CACNA1C: variants seen among roughly 807,000 people sequenced by gnomAD.
CACNA1C encodes calcium voltage-gated channel subunit alpha1 C, also known as voltage-dependent L-type calcium channel subunit alpha-1C.
CACNA1C carries 30 observed loss-of-function variants against 229.0 expected under a neutral mutation model. The ratio of observed to expected loss-of-function variants is 0.13; its 90% CI spans 0.10 to 0.18. The LOEUF (loss-of-function observed/expected upper bound fraction) is 0.18. Among genes scored for constraint, CACNA1C ranks in the 10% least tolerant of loss-of-function variants. CACNA1C has a pLI of 1.00. For synonymous variants in CACNA1C, 1,114 were observed against 1,132.5 expected (o/e 0.98, Z 0.33); for missense variants, 1,658 against 2,845.0 (o/e 0.58, Z 9.49).
rs141304309 is a variant in CACNA1C, at chr12:2,543,239, G to A, written c.1391-6704G>A. 1.2e-4 allele frequency among the ~76,000 whole-genome samples: 18 copies of A among 152,326 alleles called. No homozygotes were observed. The East Asian group carries it at 3.3e-3, about 28-fold the overall frequency. The stretch of plus-strand genomic sequence containing the variant: ...AGATCCATTCAATAAAGCATATTGT[G>A]CCTTATAAAGGATGTGCTATTATGA... On this transcript the variant is annotated intron_variant, in intron 9 of 46. Transcript: ENST00000399655.
chr12:2,002,043 C>G (rs1194542585), intron 1 of CACNA1C, among the ~76,000 whole-genome samples: 1 of 152,200 alleles, frequency 6.6e-6, no homozygotes, highest in Non-Finnish European at 1.5e-5. Context: ...GGGAGTAGGT[C>G]TAACTCTAAA....
At chr12:2,349,420 A>T (rs564184300) in intron 3 of CACNA1C, among the ~76,000 whole-genome samples, 1 of 152,096 alleles carries the variant, frequency 6.6e-6, no homozygotes, top group African/African-American at 2.4e-5. Flanking sequence ...CGTTTTTTTT[A>T]AAGTTAAGAA....
At chr12:2,028,827 C>T (rs1387988918) in intron 1 of CACNA1C, among the ~76,000 whole-genome samples, 1 of 152,202 alleles carries the variant, frequency 6.6e-6, no homozygotes, top group African/African-American at 2.4e-5. Flanking sequence ...AGTGCATATA[C>T]AAATACTGAG....
chr12:2,496,217 C>A (rs1170047589), intron 7 of CACNA1C, among the ~76,000 whole-genome samples: 3 of 152,160 alleles, frequency 2.0e-5, no homozygotes, highest in Non-Finnish European at 4.4e-5. Context: ...GGAAATCTAA[C>A]CTGTTGAACC....
intron 3 of CACNA1C, among the ~76,000 whole-genome samples, chr12:2,210,504 C>G (rs531518348): frequency 1.3e-5 from 2 of 152,154 alleles, no homozygotes; most frequent in Non-Finnish European, 2.9e-5. Flanking sequence ...GTTGGTACCT[C>G]CAACCTGAAG....
At chr12:2,332,323 A>C (rs191304125) in intron 3 of CACNA1C, among the ~76,000 whole-genome samples, 16 of 152,286 alleles carry the variant, frequency 1.1e-4, no homozygotes, top group African/African-American at 3.8e-4. Context: ...TGTTCTTGCA[A>C]CTTTTCTCTA....
intron 3 of CACNA1C, among the ~76,000 whole-genome samples, chr12:2,371,334 G>A (rs929184504): frequency 3.9e-5 from 6 of 152,206 alleles, no homozygotes; most frequent in Admixed American, 1.3e-4. Flanking sequence ...AGACCCAGCC[G>A]TAGGATTTCT....
intron 3 of CACNA1C, among the ~76,000 whole-genome samples, chr12:2,270,206 C>T (rs1014772811): frequency 1.3e-5 from 2 of 152,174 alleles, no homozygotes; most frequent in Admixed American, 6.5e-5. Flanking sequence ...CCTGAGAAGG[C>T]GAGCTTCGAA....
chr12:2,597,129 A>G lies in CACNA1C; in HGVS notation c.2794-101A>G. The stretch of plus-strand genomic sequence containing the variant: ...TTAAGTGCCAGGCATCTCATTTTGA[A>G]GTGTGGCCCCTTTTCTGGTGAACAT... On this transcript the variant is annotated intron_variant, in intron 20 of 46. Transcript: ENST00000399655. This position sits in a 1 kb window ranked among gnomAD's most constrained non-coding sequence, Gnocchi z 4.3. 1.3e-6 allele frequency: 1 copy of G among 754,692 alleles called. No homozygotes were observed. Among genetic ancestry groups the G allele is most frequent in the Non-Finnish European group, 2.3e-6 (1 of 428,262 alleles). The allele number at this position is 754,692 out of a possible 1,614,324, so 46.7% of individuals were successfully genotyped here.
chr12:2,220,463 A>ATGTGAAGGGGTGCTGATACTAGG (rs1374207438), intron 3 of CACNA1C: 22 of 152,058 alleles, frequency 1.4e-4, no homozygotes, highest in African/African-American at 4.9e-4. Flanking sequence ...CTGACACTAG[A>ATGTGAAGGGGTGCTGATACTAGG]TGTGAAGGGG....
chr12:2,558,349 C>T, intron 11 of CACNA1C, among the ~76,000 whole-genome samples: 1 of 140,874 alleles, frequency 7.1e-6, no homozygotes, highest in East Asian at 1.9e-4. Context: ...CTGCTGGAGT[C>T]CATGCCCTTA....
chr12:2,500,094 C>A (rs896106663), intron 7 of CACNA1C, among the ~76,000 whole-genome samples: 1 of 152,212 alleles, frequency 6.6e-6, no homozygotes, highest in Non-Finnish European at 1.5e-5. Context: ...CTGAGGACCA[C>A]CCTGGCCTCG....
intron 3 of CACNA1C, among the ~76,000 whole-genome samples, chr12:2,386,738 T>C (rs1330489494): frequency 6.6e-6 from 1 of 152,200 alleles, no homozygotes; most frequent in African/African-American, 2.4e-5. Flanking sequence ...CATTAGACAC[T>C]AAGCACCCGA....
At chr12:2,355,124 C>G (rs2097322122) in intron 3 of CACNA1C, among the ~76,000 whole-genome samples, 1 of 152,222 alleles carries the variant, frequency 6.6e-6, no homozygotes, top group Non-Finnish European at 1.5e-5. Flanking sequence ...ACCGCACACA[C>G]CGTCAGTGTG....
intron 30 of CACNA1C, among the ~76,000 whole-genome samples, chr12:2,642,384 A>G (rs554705658): frequency 2.0e-5 from 3 of 152,210 alleles, no homozygotes; most frequent in African/African-American, 7.2e-5. Context: ...TGGCCAGACA[A>G]CTGATTGTAC....
chr12:2,388,892 C>G (rs770177227), intron 3 of CACNA1C, among the ~76,000 whole-genome samples: 1 of 152,096 alleles, frequency 6.6e-6, no homozygotes, highest in Non-Finnish European at 1.5e-5. Context: ...GTGCAGTTGT[C>G]TAGGAGTCAC....
intron 1 of CACNA1C, among the ~76,000 whole-genome samples, chr12:2,105,157 G>T (rs768183609): frequency 1.3e-5 from 2 of 152,190 alleles, no homozygotes; most frequent in African/African-American, 2.4e-5. Flanking sequence ...TGGTTTACTG[G>T]ATCACTAGCA....
intron 3 of CACNA1C, among the ~76,000 whole-genome samples, chr12:2,189,092 C>CA (rs57559183): frequency 0.04 from 1,352 of 34,146 alleles, 93 homozygotes; most frequent in Non-Finnish European, 0.055. Flanking sequence ...GACTCCGTCT[C>CA]AAAAAAAAAA....
chr12:2,633,645 C>T lies in CACNA1C; in HGVS notation c.3829-652C>T, dbSNP rs2091555799. 1 of 1,606,108 alleles carries T rather than the reference C, an allele frequency of 6.2e-7. No individual in the cohort carries two copies. Among genetic ancestry groups the T allele is most frequent in the Non-Finnish European group, 8.5e-7 (1 of 1,172,978 alleles). The stretch of plus-strand genomic sequence containing the variant: ...CTTATGTAGGGTTACTTTAGTGATC[C>T]CTGGAATGTTTTTGACTTCCTCATC... On this transcript the variant is annotated intron_variant, in intron 29 of 46. Transcript: ENST00000399655. The surrounding 1 kb of genome is among the most constrained non-coding windows in gnomAD (Gnocchi z 5.8).
Sources: allele counts gnomAD v4.1 joint callset (sites outside exome capture counted in the v4.1 genomes callset), GRCh38; gene constraint gnomAD v4.1.1; non-coding constraint Gnocchi (gnomAD v3.1); transcripts MANE v1.5; gene names NCBI Gene and HGNC (gene_info 2026-07-23, HGNC 2026-07-21).